Variants in MEGF11 observed in about 807,000 individuals in gnomAD.
MEGF11 encodes the protein multiple EGF like domains 11.
In MEGF11, 126 loss-of-function variants were observed where a neutral mutation model predicts 146.6. The ratio of observed to expected loss-of-function variants is 0.86; its 90% CI spans 0.74 to 1.00. The LOEUF (loss-of-function observed/expected upper bound fraction) is 1.00. Among genes scored for constraint, MEGF11 ranks in the 50% least tolerant of loss-of-function variants. The probability of loss-of-function intolerance (pLI) is 0.00; values close to 1 mark genes in which losing one functional copy is unlikely to be tolerated. For missense variants in MEGF11, 1,509 were observed against 1,521.2 expected, an observed-to-expected ratio of 0.99 and a Z score of 0.13; for synonymous variants, 532 against 583.4, an observed-to-expected ratio of 0.91 and a Z score of 1.27.
At position 66,094,479 on chromosome 15, in the gene MEGF11, T is replaced by A; in HGVS notation, c.317A>T (p.Glu106Val). Residue 106 changes from glutamate (E) to valine (V), a missense_variant, in exon 5 of 26, where the codon GAG becomes GTG. Physicochemically the swap from Glu to Val is moderately radical, Grantham distance 121 (BLOSUM62 -2). Transcript: ENST00000395614. Reference sequence around the variant, plus strand: ...GGAAACGCAGCGGCCGTGCACACACTCCTCCGTACACAGGGCTGAGGGGAC... The same window carrying A: ...GGAAACGCAGCGGCCGTGCACACACACCTCCGTACACAGGGCTGAGGGGAC... Reference protein sequence around the residue: ...GDFCIPLCTEECVHGRCVSPD... With the variant: ...GDFCIPLCTEVCVHGRCVSPD... 1 of 1,560,544 alleles carries A rather than the reference T, an allele frequency of 6.4e-7. No individual in the cohort carries two copies. The highest frequency in any genetic ancestry group is 8.7e-7 in the Non-Finnish European group (1 of 1,152,120).
intron 1 of MEGF11, among the ~76,000 whole-genome samples, chr15:66,222,180 C>T (rs1165197672): frequency 6.6e-6 from 1 of 152,020 alleles, no homozygotes; most frequent in Non-Finnish European, 1.5e-5. Context: ...AATCTAAACC[C>T]AAGTTCAGCG....
chr15:66,024,409 T>C (rs2083260752), intron 5 of MEGF11, among the ~76,000 whole-genome samples: 1 of 152,236 alleles, frequency 6.6e-6, no homozygotes, highest in African/African-American at 2.4e-5. Flanking sequence ...TGGAGGACAC[T>C]GAGGCTTGGA....
chr15:66,211,289 C>T (rs1466307373), intron 1 of MEGF11, among the ~76,000 whole-genome samples: 13 of 152,254 alleles, frequency 8.5e-5, no homozygotes, highest in South Asian at 2.1e-4. Flanking sequence ...TTTGGGAGGC[C>T]AAGGTGGGCG....
At chr15:66,156,780 C>T (rs1033580486) in intron 1 of MEGF11, among the ~76,000 whole-genome samples, 17 of 152,212 alleles carry the variant, frequency 1.1e-4, no homozygotes, top group African/African-American at 4.1e-4. Context: ...TATACCACCT[C>T]TGGGTGGTGT....
chr15:66,242,610 A>T (rs1224789837), intron 1 of MEGF11, among the ~76,000 whole-genome samples: 1 of 152,044 alleles, frequency 6.6e-6, no homozygotes, highest in Non-Finnish European at 1.5e-5. Context: ...GCTCATGCCT[A>T]TCCAATAAGC....
chr15:66,038,672 T>G (rs2083822105), intron 5 of MEGF11, among the ~76,000 whole-genome samples: 1 of 152,140 alleles, frequency 6.6e-6, no homozygotes. Flanking sequence ...TTACAACTAC[T>G]AGCAGCCCAA....
In MEGF11 at chr15:65,897,803, A is replaced by T; in HGVS notation, c.*131T>A. 2.3e-6 allele frequency: 2 copies of T among 862,832 alleles called. No homozygotes were observed. Among genetic ancestry groups the T allele is most frequent in the Admixed American group, 2.7e-5 (1 of 36,460 alleles). 53.4% of individuals were successfully genotyped at this position (862,832 alleles called of 1,614,324 possible). A position where few individuals can be genotyped will look rare whatever the true frequency, so the allele number is the denominator to read the frequency against. ...CAGTCCCACCTGGACGCTCTTCTTT[A>T]GTTCCAGGTGAACGTAATAACTAAC... On this transcript the variant is annotated 3_prime_UTR_variant, in exon 26 of 26. Transcript: ENST00000395614.
chr15:66,096,771 C>T (rs1167664063), intron 4 of MEGF11, among the ~76,000 whole-genome samples: 1 of 152,156 alleles, frequency 6.6e-6, no homozygotes, highest in Non-Finnish European at 1.5e-5. Context: ...GCTCCCGATC[C>T]TAGAGACCCA....
intron 5 of MEGF11, among the ~76,000 whole-genome samples, chr15:66,018,899 A>G (rs1398983315): frequency 6.6e-6 from 1 of 152,252 alleles, no homozygotes; most frequent in Non-Finnish European, 1.5e-5. Flanking sequence ...GAAAGAAACC[A>G]AGAACGCTAA....
In MEGF11 at chr15:66,097,406, G is replaced by A. The variant is rs1014044523; in HGVS notation, c.302-2912C>T. Among the ~76,000 whole-genome samples the A allele has an allele frequency of 6.6e-4, 100 of 152,198 alleles. 1 individual carries two copies. Among genetic ancestry groups the A allele is most frequent in the Admixed American group, 5.5e-3 (84 of 15,284 alleles). ...GTTACTCAGCTGCTGCTCCTAGAGC[G>A]TGTGGGTGCCCTAAGCTCTTTCAGA... On this transcript the variant is annotated intron_variant, in intron 4 of 25. Transcript: ENST00000395614.
At position 66,106,601 on chromosome 15, in the gene MEGF11, G is replaced by A. The variant is rs909754803; in HGVS notation, c.302-12107C>T. Among the ~76,000 whole-genome samples the A allele has an allele frequency of 9.9e-5, 15 of 152,136 alleles. 1 individual carries two copies. Among genetic ancestry groups the A allele is most frequent in the African/African-American group, 3.6e-4 (15 of 41,418 alleles). ...AGAGAAGCTAAGTAATTTGCCCAGA[G>A]TCACACAGGCAGTAGGCAGCAGTCT... On this transcript the variant is annotated intron_variant, in intron 4 of 25. Transcript: ENST00000395614.
intron 5 of MEGF11, among the ~76,000 whole-genome samples, chr15:65,996,159 T>C (rs1317250554): frequency 6.6e-6 from 1 of 152,138 alleles, no homozygotes; most frequent in Non-Finnish European, 1.5e-5. Context: ...AGTTTTTCCA[T>C]TGTAAAATAA....
At position 65,982,248 on chromosome 15, in the gene MEGF11, C is replaced by T. The variant is rs2081670749; in HGVS notation, c.635G>A (p.Gly212Asp). Residue 212 changes from glycine (G) to aspartate (D), a missense_variant, in exon 6 of 26, where the codon GGC becomes GAC. Physicochemically the swap from Gly to Asp is moderately conservative, Grantham distance 94. Coordinates refer to ENST00000395614, the MANE Select transcript of MEGF11 (RefSeq NM_001385028.1). The surrounding 1 kb of genome is among the most constrained non-coding windows in gnomAD (Gnocchi z 5.6). ...GTCCTGCCGCATGACTCACTAGACGCCGGTGTAGCCAGGTGCGCAGAGGCA... is the reference window on the plus strand; with the variant it reads ...GTCCTGCCGCATGACTCACTAGACGTCGGTGTAGCCAGGTGCGCAGAGGCA... ...GECLCAPGYT[G>D]VYCEELCPPG... 2.6e-6 allele frequency: 4 copies of T among 1,541,508 alleles called. No homozygotes were observed. The highest frequency in any genetic ancestry group is 3.5e-6 in the Non-Finnish European group (4 of 1,145,770).
At chr15:66,163,756 G>T (rs1252836530) in intron 1 of MEGF11, among the ~76,000 whole-genome samples, 1 of 152,234 alleles carries the variant, frequency 6.6e-6, no homozygotes, top group Non-Finnish European at 1.5e-5. Context: ...CGTCCTGGCT[G>T]TGCAGTGCAC....
rs61331884 is a variant in MEGF11, at chr15:65,927,700, G to A, written c.1675+725C>T. Reference sequence around the variant, plus strand: ...AGGCAGAGGGAATGGCATGTGCAAAGGCCTGGAGTCAGGAAGGTGGTTGGC... The same window carrying A: ...AGGCAGAGGGAATGGCATGTGCAAAAGCCTGGAGTCAGGAAGGTGGTTGGC... On this transcript the variant is annotated intron_variant, in intron 13 of 25. Coordinates refer to ENST00000395614, the MANE Select transcript of MEGF11 (RefSeq NM_001385028.1). Among the ~76,000 whole-genome samples, 168 of 152,320 alleles carry A rather than the reference G, an allele frequency of 1.1e-3. 1 individual carries two copies. In the East Asian group the frequency reaches 0.014, roughly 13 times the overall value.
rs565667209 is a variant in MEGF11, at chr15:66,002,191, G to C, written c.395-19703C>G. Among the ~76,000 whole-genome samples the C allele has an allele frequency of 1.2e-4, 18 of 152,304 alleles. 1 individual carries two copies. In the South Asian group the frequency reaches 3.5e-3, roughly 30 times the overall value. ...GTTGCTTAATGAGCTCATGGCGCAA[G>C]CTGTCTCCAGCTGCAGAGCTCGCAG... On this transcript the variant is annotated intron_variant, in intron 5 of 25. Transcript: ENST00000395614.
intron 1 of MEGF11, among the ~76,000 whole-genome samples, chr15:66,220,579 A>C (rs4776291): frequency 0.87 from 127,463 of 147,262 alleles, 55,540 homozygotes; most frequent in Non-Finnish European, 0.92. Context: ...ACTCTGTCAC[A>C]CAGGCTGGAG....
At chr15:65,977,786 GCA>G (rs1407252504) in intron 7 of MEGF11, among the ~76,000 whole-genome samples, 2 of 151,818 alleles carry the variant, frequency 1.3e-5, no homozygotes, top group South Asian at 2.1e-4. Flanking sequence ...ATGCATGTAG[GCA>G]CACACACACT....
At chr15:66,124,482 G>C (rs1258756883) in intron 2 of MEGF11, among the ~76,000 whole-genome samples, 1 of 152,218 alleles carries the variant, frequency 6.6e-6, no homozygotes, top group African/African-American at 2.4e-5. Context: ...AGCTCACACT[G>C]CAGTATCAAT....
Sources: allele counts gnomAD v4.1 joint callset (sites outside exome capture counted in the v4.1 genomes callset), GRCh38; gene constraint gnomAD v4.1.1; non-coding constraint Gnocchi (gnomAD v3.1); transcripts MANE v1.5; gene names NCBI Gene and HGNC (gene_info 2026-07-23, HGNC 2026-07-21).